The following SCARF2 variants were observed in gnomAD, a reference collection of about 807,000 sequenced individuals.
SCARF2 encodes the protein scavenger receptor class F member 2.
In SCARF2, 39 loss-of-function variants were observed where a neutral mutation model predicts 73.4. The ratio of observed to expected loss-of-function variants is 0.53; its 90% CI spans 0.41 to 0.69. The LOEUF (loss-of-function observed/expected upper bound fraction) is 0.69. Among genes scored for constraint, SCARF2 ranks in the 30% least tolerant of loss-of-function variants. SCARF2 has a pLI of 0.00. For missense variants in SCARF2, 1,148 were observed against 1,303.5 expected (o/e 0.88, Z 1.84); for synonymous variants, 605 against 590.0 (o/e 1.03, Z -0.37).
rs138431734 is a variant in SCARF2 at position 20,431,839 on chromosome 22, G to A, written c.240C>T (p.Cys80=). Residue 80 remains cysteine, a synonymous_variant, in exon 3 of 11, where the codon TGC becomes TGT. Transcript: ENST00000622235. ...QQGDECGIAV[C]EGNSTCSENE... ...TCTCTGAGCACGTGGAGTTGCCTTC[G>A]CACACCGCTGTGGACGAGACAGGCC... The A allele has an allele frequency of 6.6e-4, 1,056 of 1,597,688 alleles. 2 individuals carry two copies. In the Middle Eastern group the frequency reaches 0.011, roughly 17 times the overall value.
At chr22:20,427,975 C>T (rs1370134411) in intron 9 of SCARF2, among the ~76,000 whole-genome samples, 1 of 152,202 alleles carries the variant, frequency 6.6e-6, no homozygotes, top group South Asian at 2.1e-4. Context: ...AGTGGCAGGG[C>T]TGCCCTTTGG....
At chr22:20,436,543 G>A (rs1216585961) in intron 1 of SCARF2, among the ~76,000 whole-genome samples, 1 of 151,046 alleles carries the variant, frequency 6.6e-6, no homozygotes, top group Non-Finnish European at 1.5e-5. Flanking sequence ...CCAGAGTTCG[G>A]AAACCCCGCG....
intron 1 of SCARF2, among the ~76,000 whole-genome samples, chr22:20,433,296 G>T (rs941415467): frequency 6.6e-6 from 1 of 152,166 alleles, no homozygotes; most frequent in Non-Finnish European, 1.5e-5. Flanking sequence ...CCAGAACTTC[G>T]CCTCGATCCT....
intron 3 of SCARF2, 74 bp from the exon 4 acceptor site, chr22:20,431,611 C>G (rs2052648904): frequency 3.2e-6 from 5 of 1,543,230 alleles, no homozygotes; most frequent in South Asian, 1.2e-5. Flanking sequence ...GGAACCTGCC[C>G]GCGTCCCGCA....
chr22:20,430,994 C>T, intron 4 of SCARF2, 24 bp downstream of exon 4: 1 of 1,567,512 alleles, frequency 6.4e-7, no homozygotes, highest in Non-Finnish European at 8.6e-7. Context: ...CCTCCTCCCT[C>T]CCTGGCCGAG....
Position 20,425,532 on chromosome 22 carries a change from G to C in SCARF2, c.2444C>G (p.Ala815Gly), listed in dbSNP as rs874100. ...CCCCGGGGTTTCGGTCGCTGGGGGCGCGCGGGCGGGCGAGGCTGGCGGCAC... is the reference window on the plus strand; with the variant it reads ...CCCCGGGGTTTCGGTCGCTGGGGGCCCGCGGGCGGGCGAGGCTGGCGGCAC... ...RSVPPASPARAPPATETPGPE... is the reference protein window; with the variant it reads ...RSVPPASPARGPPATETPGPE... Residue 815 changes from alanine (A) to glycine (G), a missense_variant, in exon 11 of 11, where the codon GCG becomes GGG. Around this residue, in one of 5 missense-constraint regions of SCARF2, gnomAD observed 169 missense variants for 136.9 expected, o/e 1.23. Coordinates refer to ENST00000622235, the MANE Select transcript of SCARF2 (RefSeq NM_182895.5). The surrounding 1 kb of genome is among the most constrained non-coding windows in gnomAD (Gnocchi z 4.6). 0.35 allele frequency: 464,426 copies of C among 1,341,348 alleles called. 83,597 individuals carry two copies. The highest frequency in any genetic ancestry group is 0.37 in the Non-Finnish European group (384,444 of 1,049,134). The allele number at this position is 1,341,348 out of a possible 1,614,324, so 83.1% of individuals were successfully genotyped here.
In SCARF2 at chr22:20,425,375, C is replaced by A; in HGVS notation, c.2601G>T (p.Ter867TyrextTer39). ...CTGCGCGCGGACGAGCCACAGCCTG[C>A]TACAGGGTGGGTGCGCCCGCCCTGC... The part of the protein sequence containing the change: ...ELGRAGAPTL[*>Y] The change falls in exon 11 of 11, where the codon TAG (stop) becomes TAT (tyrosine). Residue 867 changes from the stop codon to tyrosine (Y), a stop_lost. Transcript: ENST00000622235. The surrounding 1 kb of genome is among the most constrained non-coding windows in gnomAD (Gnocchi z 4.6). 1 of 1,421,296 alleles carries A rather than the reference C, an allele frequency of 7.0e-7. No individual in the cohort carries two copies. The highest frequency in any genetic ancestry group is 9.2e-7 in the Non-Finnish European group (1 of 1,083,792). The allele number at this position is 1,421,296 out of a possible 1,614,324, so 88.0% of individuals were successfully genotyped here.
At position 20,426,235 on chromosome 22, in the gene SCARF2, C is replaced by G. The variant is rs772315504; in HGVS notation, c.1741G>C (p.Glu581Gln). The change falls in exon 11 of 11, where the codon GAG (glutamate) becomes CAG (glutamine). Residue 581 changes from glutamate (E) to glutamine (Q), a missense_variant. Coordinates refer to ENST00000622235, the MANE Select transcript of SCARF2 (RefSeq NM_182895.5). ...GGCACAGGGGACGGCGCCGGCGCCT[C>G]GGCAGGGACAGTGGGGACTTCGGGG... Reference protein sequence around the residue: ...RDPEVPTVPAEAPAPSPVPLT... With the variant: ...RDPEVPTVPAQAPAPSPVPLT... 152 of 1,535,598 alleles carry G rather than the reference C, an allele frequency of 9.9e-5. No homozygotes were observed. In the Middle Eastern group the frequency reaches 1.8e-3, roughly 18 times the overall value.
Position 20,424,700 on chromosome 22 carries a change from C to T in SCARF2, c.*675G>A, listed in dbSNP as rs1340365109. The stretch of plus-strand genomic sequence containing the variant: ...TGCTGGGGGCCTATAAATACATCTC[C>T]TCAGGCCACTAGAGTCGCCCCTGGA... On this transcript the variant is annotated 3_prime_UTR_variant, in exon 11 of 11. Coordinates refer to ENST00000622235, the MANE Select transcript of SCARF2 (RefSeq NM_182895.5). The T allele has an allele frequency of 6.6e-6, 1 of 152,412 alleles. No individual in the cohort carries two copies. The highest frequency in any genetic ancestry group is 2.4e-5 in the African/African-American group (1 of 41,482). The allele number at this position is 152,412 out of a possible 1,614,324, so 9.4% of individuals were successfully genotyped here.
chr22:20,430,681 G>A lies in SCARF2; in HGVS notation c.1073+9C>T, dbSNP rs1389580235. ...GCGTGTCTGGGCCGACGCAGGCAGGGCTGCTCACCGGTCGCCGATCCAGCC... is the reference window on the plus strand; with the variant it reads ...GCGTGTCTGGGCCGACGCAGGCAGGACTGCTCACCGGTCGCCGATCCAGCC... On this transcript the variant is annotated intron_variant, in intron 5 of 10. Coordinates refer to ENST00000622235, the MANE Select transcript of SCARF2 (RefSeq NM_182895.5). The A allele has an allele frequency of 6.3e-7, 1 of 1,596,822 alleles. No homozygotes were observed. The highest frequency in any genetic ancestry group is 1.1e-5 in the South Asian group (1 of 89,114).
Position 20,425,613 on chromosome 22 carries a change from AG to A in SCARF2, c.2362del (p.Leu788TrpfsTer151). The A allele has an allele frequency of 7.5e-7, 1 of 1,324,692 alleles. No homozygotes were observed. The highest frequency in any genetic ancestry group is 1.9e-5 in the South Asian group (1 of 51,440). The allele number at this position is 1,324,692 out of a possible 1,614,324, so 82.1% of individuals were successfully genotyped here. A position where few individuals can be genotyped will look rare whatever the true frequency, so the allele number is the denominator to read the frequency against. ...CTTTTCCCTGGGGCCCTGCGCGCCCAGGGCCACCTCGGCGCGGCCCAGGCTG... is the reference window on the plus strand; with the variant it reads ...CTTTTCCCTGGGGCCCTGCGCGCCCAGGCCACCTCGGCGCGGCCCAGGCTG... ...TRSLGRAEVA[L>X]GAQGPREKPA... On this transcript the variant is annotated frameshift_variant, in exon 11 of 11. Coordinates refer to ENST00000622235, the MANE Select transcript of SCARF2 (RefSeq NM_182895.5). LOFTEE classifies it high-confidence loss of function. This position sits in a 1 kb window ranked among gnomAD's most constrained non-coding sequence, Gnocchi z 4.6.
At chr22:20,434,910 C>A (rs891600208) in intron 1 of SCARF2, among the ~76,000 whole-genome samples, 1 of 152,178 alleles carries the variant, frequency 6.6e-6, no homozygotes, top group East Asian at 1.9e-4. Flanking sequence ...CCTGCTGCCC[C>A]GCCTGGACAC....
intron 6 of SCARF2, 134 bp downstream of exon 6, chr22:20,430,295 C>T (rs1203542360): frequency 2.7e-6 from 3 of 1,113,684 alleles, no homozygotes; most frequent in African/African-American, 3.1e-5. Context: ...AGCCTACTGT[C>T]ACTCCCTAGC....
intron 1 of SCARF2, among the ~76,000 whole-genome samples, chr22:20,437,362 T>G (rs1782921038): frequency 6.6e-6 from 1 of 152,152 alleles, no homozygotes; most frequent in Non-Finnish European, 1.5e-5. Flanking sequence ...CGGCACTCCA[T>G]CCTCCCCTCA....
In SCARF2 at chr22:20,429,690, C is replaced by T. The variant is rs2052620476; in HGVS notation, c.1307-37G>A. The T allele has an allele frequency of 6.2e-7, 1 of 1,613,850 alleles. No individual in the cohort carries two copies. The highest frequency in any genetic ancestry group is 8.5e-7 in the Non-Finnish European group (1 of 1,179,942). Reference sequence around the variant, plus strand: ...TATGGGGTCAGCGCGGTTTCTGGCACCCCCTGCATTCCTTAACGGGACGCC... The same window carrying T: ...TATGGGGTCAGCGCGGTTTCTGGCATCCCCTGCATTCCTTAACGGGACGCC... On this transcript the variant is annotated intron_variant, in intron 7 of 10. Transcript: ENST00000622235. The surrounding 1 kb of genome is among the most constrained non-coding windows in gnomAD (Gnocchi z 5.2).
rs2052648147 is a variant in SCARF2, at chr22:20,431,556, G to A, written c.335-19C>T. On this transcript the variant is annotated intron_variant, in intron 3 of 10. Coordinates refer to ENST00000622235, the MANE Select transcript of SCARF2 (RefSeq NM_182895.5). ...GGGCACTCTGCAGGGGAGGAGCGGA[G>A]GGGGTGGAAGGCCCCGGTGCTTGAG... The A allele has an allele frequency of 4.5e-6, 7 of 1,559,844 alleles. No individual in the cohort carries two copies. Among genetic ancestry groups the A allele is most frequent in the East Asian group, 2.4e-5 (1 of 42,078 alleles).
intron 9 of SCARF2, 61 bp from the exon 10 acceptor site, chr22:20,427,611 A>G: frequency 1.3e-6 from 2 of 1,593,634 alleles, no homozygotes; most frequent in Non-Finnish European, 1.7e-6. Context: ...TGCCCTCATT[A>G]GCCCCTGCTG....
rs748793903 is a variant in SCARF2, at chr22:20,429,488, A to T, written c.1424+48T>A. The T allele has an allele frequency of 3.7e-6, 6 of 1,605,048 alleles. No homozygotes were observed. The highest frequency in any genetic ancestry group is 5.1e-6 in the Non-Finnish European group (6 of 1,177,204). On this transcript the variant is annotated intron_variant, in intron 8 of 10. Transcript: ENST00000622235. The surrounding 1 kb of genome is among the most constrained non-coding windows in gnomAD (Gnocchi z 5.2). ...TGGATCTGGGTCCGGTGGCACCCAG[A>T]GGGTGCGGCCTGAACCCAGGCGAAA...
intron 1 of SCARF2, among the ~76,000 whole-genome samples, chr22:20,434,804 T>C (rs1345373898): frequency 2.0e-5 from 3 of 152,172 alleles, no homozygotes; most frequent in African/African-American, 7.2e-5. Context: ...TCAAGTTGGC[T>C]CATGGGGTCC....
Sources: allele counts gnomAD v4.1 joint callset (sites outside exome capture counted in the v4.1 genomes callset), GRCh38; gene constraint gnomAD v4.1.1; regional missense constraint gnomAD v4.1.1; non-coding constraint Gnocchi (gnomAD v3.1); transcripts MANE v1.5; gene names NCBI Gene and HGNC (gene_info 2026-07-23, HGNC 2026-07-21).